The following LRRC74A variants were observed in gnomAD, a reference collection of about 807,000 sequenced individuals.
The protein encoded by LRRC74A is leucine rich repeat containing 74A, also known as leucine-rich repeat-containing protein 74A.
Under a neutral mutation model 57.9 loss-of-function variants are expected in LRRC74A, and 44 were observed. The ratio of observed to expected loss-of-function variants is 0.76; its 90% CI spans 0.60 to 0.98. LRRC74A has a LOEUF of 0.98. Among genes scored for constraint, LRRC74A ranks in the 50% least tolerant of loss-of-function variants. The pLI, the probability that LRRC74A is intolerant of heterozygous loss-of-function variation, is 0.00. For missense variants in LRRC74A, 572 were observed against 574.0 expected (o/e 1.00, Z 0.04); for synonymous variants, 211 against 219.4 (o/e 0.96, Z 0.34).
intron 7 of LRRC74A, among the ~76,000 whole-genome samples, chr14:76,849,758 G>T (rs61989411): frequency 0.19 from 27,806 of 148,246 alleles, 2,777 homozygotes; most frequent in East Asian, 0.35. Context: ...AGCAGACATC[G>T]TGCCACTGCA....
chr14:76,858,124 T>G (rs1386023224), intron 10 of LRRC74A, among the ~76,000 whole-genome samples: 1 of 152,226 alleles, frequency 6.6e-6, no homozygotes, highest in South Asian at 2.1e-4. Flanking sequence ...GGTAGAATAC[T>G]GTATTAATTT....
chr14:76,826,558 T>C lies in LRRC74A; in HGVS notation c.-140T>C. 2 of 1,612,422 alleles carry C rather than the reference T, an allele frequency of 1.2e-6. No individual in the cohort carries two copies. Among genetic ancestry groups the C allele is most frequent in the Non-Finnish European group, 1.7e-6 (2 of 1,179,278 alleles). On this transcript the variant is annotated 5_prime_UTR_variant, in exon 1 of 14. Coordinates refer to ENST00000689127, the MANE Select transcript of LRRC74A (RefSeq NM_001385106.1). The stretch of plus-strand genomic sequence containing the variant: ...GGGCTTGCTGGGAGGGAAGGATAAC[T>C]GCAGGCTCCCCTGGGATGCCCCCAG...
At position 76,860,704 on chromosome 14, in the gene LRRC74A, G is replaced by C. The variant is rs747580525; in HGVS notation, c.1065G>C (p.Val355=). ...TCTCCCTGTCACAGAACGTGCTGGT[G>C]TCCGAGCAGTTCATGAAAACGTTGG... ...MEELDISNVL[V]SEQFMKTLDG... The change falls in exon 11 of 14, where the codon GTG becomes GTC. Residue 355 remains valine, a synonymous_variant. Coordinates refer to ENST00000689127, the MANE Select transcript of LRRC74A (RefSeq NM_001385106.1). 1.1e-5 allele frequency: 18 copies of C among 1,610,524 alleles called. No homozygotes were observed. The East Asian group carries it at 3.6e-4, about 32-fold the overall frequency.
intron 7 of LRRC74A, among the ~76,000 whole-genome samples, chr14:76,851,552 T>A (rs2140293424): frequency 6.6e-6 from 1 of 151,948 alleles, no homozygotes; most frequent in East Asian, 1.9e-4. Flanking sequence ...GAGACGGGGT[T>A]TCATCATGTT....
chr14:76,844,746 C>T, intron 6 of LRRC74A, 74 bp from the exon 7 acceptor site: 1 of 854,164 alleles, frequency 1.2e-6, no homozygotes, highest in Non-Finnish European at 1.9e-6. Context: ...CACCATCATA[C>T]TGCCCTGAGA....
At chr14:76,839,061 A>T (rs1235834648) in intron 5 of LRRC74A, among the ~76,000 whole-genome samples, 2 of 152,184 alleles carry the variant, frequency 1.3e-5, no homozygotes, top group African/African-American at 4.8e-5. Flanking sequence ...AGTTATGGAC[A>T]TACCATAGTT....
At chr14:76,831,563 A>G (rs1895975351) in intron 3 of LRRC74A, among the ~76,000 whole-genome samples, 188 bp downstream of exon 3, 1 of 152,132 alleles carries the variant, frequency 6.6e-6, no homozygotes, top group African/African-American at 2.4e-5. Context: ...GCTACTAGCA[A>G]CCTGGGCCTT....
chr14:76,857,294 G>A (rs1008460381), intron 9 of LRRC74A, 86 bp from the exon 10 acceptor site: 10 of 775,026 alleles, frequency 1.3e-5, no homozygotes, highest in African/African-American at 1.2e-4. Context: ...GACAGAGGTT[G>A]TGATTTGATG....
intron 10 of LRRC74A, among the ~76,000 whole-genome samples, chr14:76,859,971 C>G (rs775495290): frequency 2.8e-4 from 43 of 152,134 alleles, no homozygotes; most frequent in Non-Finnish European, 4.7e-4. Flanking sequence ...AGACATCGAG[C>G]CTGTATTAGC....
At chr14:76,845,746 C>T (rs983249407) in intron 7 of LRRC74A, among the ~76,000 whole-genome samples, 7 of 152,226 alleles carry the variant, frequency 4.6e-5, no homozygotes, top group Non-Finnish European at 8.8e-5. Flanking sequence ...ACAGGCTGGG[C>T]GTGGTGGCTT....
chr14:76,835,932 A>T (rs996100744), intron 3 of LRRC74A, among the ~76,000 whole-genome samples: 1 of 152,176 alleles, frequency 6.6e-6, no homozygotes, highest in Non-Finnish European at 1.5e-5. Context: ...TAAATAGTTA[A>T]AATCTGTTTA....
chr14:76,863,163 G>A (rs1489715856), intron 11 of LRRC74A, among the ~76,000 whole-genome samples: 2 of 145,644 alleles, frequency 1.4e-5, no homozygotes, highest in African/African-American at 5.1e-5. Flanking sequence ...GGATATGTGG[G>A]GGTGTGTATT....
rs1895578370 is a variant in LRRC74A, at chr14:76,826,478, A to G, written c.-220A>G. 5 of 1,533,528 alleles carry G rather than the reference A, an allele frequency of 3.3e-6. No individual in the cohort carries two copies. The highest frequency in any genetic ancestry group is 1.9e-5 in the Admixed American group (1 of 51,674). 95.0% of individuals were successfully genotyped at this position (1,533,528 alleles called of 1,614,324 possible). On this transcript the variant is annotated 5_prime_UTR_variant, in exon 1 of 14. Coordinates refer to ENST00000689127, the MANE Select transcript of LRRC74A (RefSeq NM_001385106.1). ...GGAGAAGTAGCTACCTCTCCCAGAC[A>G]GAGTTGGGGTCAAATTCATGCACAT...
In LRRC74A at chr14:76,860,776, A is replaced by C; in HGVS notation, c.1137A>C (p.Ala379=). The C allele has an allele frequency of 1.2e-6, 2 of 1,611,108 alleles. No homozygotes were observed. Among genetic ancestry groups the C allele is most frequent in the Non-Finnish European group, 1.7e-6 (2 of 1,177,768 alleles). ...VHPQLDVVFK[A]VQGLSPKKTI... is the part of the protein sequence containing the mutation. Reference sequence around the variant, plus strand: ...CGCAGCTGGACGTGGTATTCAAGGCAGTACAAGGCCTCTCTCCCAAGAAAA... The same window carrying C: ...CGCAGCTGGACGTGGTATTCAAGGCCGTACAAGGCCTCTCTCCCAAGAAAA... The change falls in exon 11 of 14, where the codon GCA becomes GCC. Residue 379 remains alanine, a synonymous_variant. Coordinates refer to ENST00000689127, the MANE Select transcript of LRRC74A (RefSeq NM_001385106.1).
intron 5 of LRRC74A, 64 bp downstream of exon 5, chr14:76,838,035 A>C: frequency 9.1e-7 from 1 of 1,094,308 alleles, no homozygotes; most frequent in Non-Finnish European, 1.3e-6. Context: ...GGGGAAAAAC[A>C]GAGAATTCAA....
intron 7 of LRRC74A, among the ~76,000 whole-genome samples, chr14:76,845,960 G>C (rs960149815): frequency 6.6e-6 from 1 of 152,268 alleles, no homozygotes; most frequent in East Asian, 1.9e-4. Context: ...GGTGGTTGCA[G>C]TGAGCCAAGA....
At chr14:76,845,886 T>C (rs1897089386) in intron 7 of LRRC74A, among the ~76,000 whole-genome samples, 1 of 152,150 alleles carries the variant, frequency 6.6e-6, no homozygotes. Flanking sequence ...GATGTGGTGG[T>C]GCATGCCTGT....
At chr14:76,833,697 C>T (rs998711912) in intron 3 of LRRC74A, among the ~76,000 whole-genome samples, 2 of 152,052 alleles carry the variant, frequency 1.3e-5, no homozygotes, top group African/African-American at 4.8e-5. Flanking sequence ...CCCGCCTTGG[C>T]CTCTCAAAGT....
chr14:76,866,963 TG>T (rs1898874600), intron 12 of LRRC74A, among the ~76,000 whole-genome samples: 1 of 25,210 alleles, frequency 4.0e-5, no homozygotes, highest in Non-Finnish European at 6.9e-5. Flanking sequence ...TGTGTGTGTG[TG>T]TGTGTGTGTG....
Sources: allele counts gnomAD v4.1 joint callset (sites outside exome capture counted in the v4.1 genomes callset), GRCh38; gene constraint gnomAD v4.1.1; transcripts MANE v1.5; gene names NCBI Gene and HGNC (gene_info 2026-07-23, HGNC 2026-07-21).